The following PAXBP1 variants were observed in gnomAD, a reference collection of about 807,000 sequenced individuals.
PAXBP1 encodes the protein PAX3- and PAX7-binding protein 1.
In PAXBP1, 44 loss-of-function variants were observed where a neutral mutation model predicts 119.9. The observed-to-expected ratio is 0.37, with a 90% confidence interval of 0.29 to 0.47. PAXBP1 has a LOEUF of 0.47. Ranked by LOEUF, PAXBP1 falls within the 20% of genes least tolerant of loss-of-function variation. The pLI is 0.99. For missense variants in PAXBP1, 898 were observed against 1,134.1 expected (o/e 0.79, Z 2.99); for synonymous variants, 393 against 406.6 (o/e 0.97, Z 0.40).
At chr21:32,735,102 T>C in intron 17 of PAXBP1, 35 bp from the exon 18 acceptor site, 1 of 1,450,724 alleles carries the variant, frequency 6.9e-7, no homozygotes, top group Non-Finnish European at 9.6e-7. Flanking sequence ...TCTCATTAAT[T>C]AGTATATCTA....
intron 14 of PAXBP1, 142 bp downstream of exon 14, chr21:32,743,536 A>G (rs1283310809): frequency 1.3e-6 from 1 of 741,922 alleles, no homozygotes; most frequent in Non-Finnish European, 2.3e-6. Flanking sequence ...GCTTAAGGGA[A>G]CAATCTCGCC....
intron 12 of PAXBP1, among the ~76,000 whole-genome samples, 158 bp from the exon 13 acceptor site, chr21:32,745,071 G>T (rs1210970211): frequency 3.3e-5 from 5 of 152,152 alleles, no homozygotes; most frequent in African/African-American, 1.2e-4. Context: ...GGAATTTGGA[G>T]GGATAGGGAT....
intron 16 of PAXBP1, among the ~76,000 whole-genome samples, chr21:32,737,694 T>C (rs1280835177): frequency 3.9e-5 from 6 of 152,168 alleles, no homozygotes; most frequent in Admixed American, 3.9e-4. Context: ...ACTGCTTCAT[T>C]TTCCAGTCTT....
chr21:32,757,127 AC>A (rs1323397071), intron 7 of PAXBP1, among the ~76,000 whole-genome samples: 1 of 152,064 alleles, frequency 6.6e-6, no homozygotes, highest in East Asian at 1.9e-4. Context: ...TTCTTTAAAA[AC>A]CACCTAAACT....
chr21:32,735,689 G>A (rs940559423), intron 17 of PAXBP1, among the ~76,000 whole-genome samples: 1 of 152,192 alleles, frequency 6.6e-6, no homozygotes, highest in Non-Finnish European at 1.5e-5. Flanking sequence ...CTATTCAAGA[G>A]GCCCAGAGTG....
Position 32,743,367 on chromosome 21 carries a change from C to T in PAXBP1, c.2268-53G>A. On this transcript the variant is annotated intron_variant, in intron 14 of 17. Coordinates refer to ENST00000331923, the MANE Select transcript of PAXBP1 (RefSeq NM_016631.4). ...TGATCAGATATTTTATATGTAGGTG[C>T]CATATGATTCCTGGACAAAAGATTT... is the stretch of plus-strand genomic sequence containing the variant. 3 of 1,188,974 alleles carry T rather than the reference C, an allele frequency of 2.5e-6. No individual in the cohort carries two copies. In the East Asian group the frequency reaches 7.4e-5, roughly 29 times the overall value. 73.7% of individuals were successfully genotyped at this position (1,188,974 alleles called of 1,614,324 possible).
chr21:32,745,734 A>G lies in PAXBP1; in HGVS notation c.1924-16T>C, dbSNP rs1209977023. Reference sequence around the variant, plus strand: ...GACATTTTGCCTAAAAGACATTTAAAAGGTTACCCAAATACTAAAATAGTG... The same window carrying G: ...GACATTTTGCCTAAAAGACATTTAAGAGGTTACCCAAATACTAAAATAGTG... On this transcript the variant is annotated splice_polypyrimidine_tract_variant and intron_variant, in intron 11 of 17. Coordinates refer to ENST00000331923, the MANE Select transcript of PAXBP1 (RefSeq NM_016631.4). 6.2e-7 allele frequency: 1 copy of G among 1,613,416 alleles called. No individual in the cohort carries two copies. The highest frequency in any genetic ancestry group is 2.2e-5 in the East Asian group (1 of 44,866).
At chr21:32,739,398 G>A (rs886493943) in intron 15 of PAXBP1, among the ~76,000 whole-genome samples, 20 of 152,104 alleles carry the variant, frequency 1.3e-4, no homozygotes, top group African/African-American at 4.1e-4. Context: ...AAAAAACAGC[G>A]TGTACCTCAT....
chr21:32,760,018 T>C (rs2082041625), intron 5 of PAXBP1, 24 bp from the exon 6 acceptor site: 2 of 1,563,120 alleles, frequency 1.3e-6, no homozygotes, highest in African/African-American at 1.4e-5. Flanking sequence ...GGGATATAGA[T>C]GAAATCTGGT....
intron 8 of PAXBP1, 113 bp downstream of exon 8, chr21:32,755,117 A>C: frequency 8.5e-7 from 1 of 1,178,650 alleles, no homozygotes; most frequent in Non-Finnish European, 1.1e-6. Flanking sequence ...CAGCAAGGAA[A>C]TTGTTTCTTT....
chr21:32,744,770 G>T (rs765277920), intron 13 of PAXBP1, 22 bp downstream of exon 13: 1 of 1,533,362 alleles, frequency 6.5e-7, no homozygotes. Flanking sequence ...AAAAAAAAAG[G>T]CTTCAAAAGA....
At chr21:32,769,645 T>C (rs1167662345) in intron 2 of PAXBP1, among the ~76,000 whole-genome samples, 169 bp downstream of exon 2, 12 of 152,226 alleles carry the variant, frequency 7.9e-5, no homozygotes, top group Non-Finnish European at 1.5e-4. Flanking sequence ...AAAATACATT[T>C]ACAAAGCATC....
intron 15 of PAXBP1, chr21:32,743,038 T>C: frequency 3.0e-6 from 2 of 658,236 alleles, no homozygotes; most frequent in Non-Finnish European, 5.7e-6. Context: ...ACGATGGACC[T>C]TACTTTGGAA....
At chr21:32,766,386 C>T (rs1178081882) in intron 2 of PAXBP1, among the ~76,000 whole-genome samples, 1 of 152,096 alleles carries the variant, frequency 6.6e-6, no homozygotes, top group Non-Finnish European at 1.5e-5. Flanking sequence ...GTTAAATAAC[C>T]TTTTTCAAGG....
At chr21:32,754,996 TAAG>T (rs2044020354) in intron 8 of PAXBP1, among the ~76,000 whole-genome samples, 2 of 152,106 alleles carry the variant, frequency 1.3e-5, no homozygotes, top group Non-Finnish European at 2.9e-5. Flanking sequence ...GCCCAAAGAA[TAAG>T]AAGACTGACA....
chr21:32,756,256 T>G, intron 7 of PAXBP1: 1 of 533,706 alleles, frequency 1.9e-6, no homozygotes, highest in South Asian at 1.4e-5. Context: ...TACACATACC[T>G]GAGGAAACCA....
intron 8 of PAXBP1, among the ~76,000 whole-genome samples, chr21:32,752,583 A>G (rs534462187): frequency 6.6e-6 from 1 of 152,352 alleles, no homozygotes; most frequent in South Asian, 2.1e-4. Context: ...AGGAAAAACA[A>G]AACCAAAATT....
rs1487986046 is a variant in PAXBP1 at position 32,734,768 on chromosome 21, C to T, written c.*182G>A. On this transcript the variant is annotated 3_prime_UTR_variant, in exon 18 of 18. Transcript: ENST00000331923. ...CAGTAAAGAAAACATTCATAGACTC[C>T]TAGAAATAATCTGAATTCCTTTCAT... 6.5e-6 allele frequency: 4 copies of T among 617,340 alleles called. No individual in the cohort carries two copies. The highest frequency in any genetic ancestry group is 5.6e-5 in the African/African-American group (3 of 53,792). The allele number at this position is 617,340 out of a possible 1,614,324, so 38.2% of individuals were successfully genotyped here.
At chr21:32,765,769 T>A (rs2044230171) in intron 2 of PAXBP1, among the ~76,000 whole-genome samples, 1 of 152,138 alleles carries the variant, frequency 6.6e-6, no homozygotes, top group African/African-American at 2.4e-5. Flanking sequence ...CTGAAATGGA[T>A]TATGAAGCTA....
Sources: allele counts gnomAD v4.1 joint callset (sites outside exome capture counted in the v4.1 genomes callset), GRCh38; gene constraint gnomAD v4.1.1; transcripts MANE v1.5; gene names NCBI Gene and HGNC (gene_info 2026-07-23, HGNC 2026-07-21).